The following CLCC1 variants were observed in gnomAD, a reference collection of about 807,000 sequenced individuals.
CLCC1 encodes chloride channel CLIC-like protein 1.
A neutral mutation model predicts 63.3 loss-of-function variants in CLCC1; 39 were observed. That is an observed-to-expected ratio of 0.62 (90% CI 0.48 to 0.81). The LOEUF (loss-of-function observed/expected upper bound fraction) is 0.81. CLCC1 is among the 30% of genes least tolerant of loss of function. CLCC1 has a pLI of 0.00. For synonymous variants in CLCC1, 217 were observed against 239.8 expected (o/e 0.90, Z 0.88); for missense variants, 549 against 669.4 (o/e 0.82, Z 1.98).
Position 108,934,770 on chromosome 1 carries a change from G to C in CLCC1, c.1556C>G (p.Ser519Cys), listed in dbSNP as rs147516957. 136 of 1,614,104 alleles carry C rather than the reference G, an allele frequency of 8.4e-5. No individual in the cohort carries two copies. Among genetic ancestry groups the C allele is most frequent in the Non-Finnish European group, 1.4e-5 (16 of 1,180,052 alleles). ...TTGGTCTGGGCTGCCTGCGGCTTCAGACTTGAGCTGGGCCTTTTCCGCTGC... is the reference window on the plus strand; with the variant it reads ...TTGGTCTGGGCTGCCTGCGGCTTCACACTTGAGCTGGGCCTTTTCCGCTGC... ...SPAAEKAQLK[S>C]EAAGSPDQGS... Residue 519 changes from serine (S) to cysteine (C), a missense_variant, in exon 12 of 13, where the codon TCT becomes TGT. Ser to Cys is a moderately radical substitution (Grantham distance 112). Coordinates refer to ENST00000369969, the MANE Select transcript of CLCC1 (RefSeq NM_001377458.1).
chr1:108,958,660 C>G (rs991816896), intron 2 of CLCC1, among the ~76,000 whole-genome samples: 1 of 147,190 alleles, frequency 6.8e-6, no homozygotes, highest in Non-Finnish European at 1.5e-5. Flanking sequence ...AGGCGGATCA[C>G]TTGAGCCCAG....
chr1:108,959,594 ATAAAT>A (rs1164036984), intron 2 of CLCC1, among the ~76,000 whole-genome samples: 3 of 152,212 alleles, frequency 2.0e-5, no homozygotes, highest in Non-Finnish European at 2.9e-5. Flanking sequence ...TGCCTAACTG[ATAAAT>A]TAAACTTTAG....
rs769639028 is a variant in CLCC1, at chr1:108,932,459, G to A, written c.*88C>T. ...CATCATTCAACAACAGTTGCATGTC[G>A]CCTTGCTAGCTGTCAAAGTAGACTT... On this transcript the variant is annotated 3_prime_UTR_variant, in exon 13 of 13. Transcript: ENST00000369969. 3.9e-5 allele frequency: 6 copies of A among 152,018 alleles called. No homozygotes were observed. Among genetic ancestry groups the A allele is most frequent in the Non-Finnish European group, 7.4e-5 (5 of 68,020 alleles). The allele number at this position is 152,018 out of a possible 1,614,324, so 9.4% of individuals were successfully genotyped here.
In CLCC1 at chr1:108,953,866, T is replaced by C. The variant is rs1184612065; in HGVS notation, c.-11-3418A>G. Reference sequence around the variant, plus strand: ...TCTCTACTAAAAATACAAAATTAGCTGGGTATGGTGGTGCATGCCTGTAAT... The same window carrying C: ...TCTCTACTAAAAATACAAAATTAGCCGGGTATGGTGGTGCATGCCTGTAAT... On this transcript the variant is annotated intron_variant, in intron 2 of 12. Coordinates refer to ENST00000369969, the MANE Select transcript of CLCC1 (RefSeq NM_001377458.1). Among the ~76,000 whole-genome samples, 1,379 of 148,886 alleles carry C rather than the reference T, an allele frequency of 9.3e-3. 24 individuals are homozygous for C. Among genetic ancestry groups the C allele is most frequent in the African/African-American group, 0.034 (1,315 of 38,662 alleles).
intron 2 of CLCC1, among the ~76,000 whole-genome samples, chr1:108,960,833 A>AG (rs1471533471): frequency 1.3e-5 from 2 of 152,114 alleles, no homozygotes; most frequent in East Asian, 3.8e-4. Context: ...GTGAATAAAA[A>AG]GCCTGTCAAG....
intron 2 of CLCC1, among the ~76,000 whole-genome samples, chr1:108,957,200 A>G (rs78769179): frequency 6.6e-6 from 1 of 151,610 alleles, no homozygotes; most frequent in Non-Finnish European, 1.5e-5. Context: ...CAAAATGACC[A>G]GCTAATAGGT....
At chr1:108,954,411 G>A (rs12140027) in intron 2 of CLCC1, among the ~76,000 whole-genome samples, 22,908 of 150,790 alleles carry the variant, frequency 0.15, 2,312 homozygotes, top group Admixed American at 0.25. Context: ...CAGGAGAATC[G>A]CTTGAACCTG....
intron 4 of CLCC1, among the ~76,000 whole-genome samples, chr1:108,948,864 A>G (rs1557897063): frequency 6.6e-6 from 1 of 152,142 alleles, no homozygotes; most frequent in Non-Finnish European, 1.5e-5. Context: ...GCTTCCTCAA[A>G]TCATGGGAGT....
chr1:108,946,084 G>A (rs1410448064), intron 5 of CLCC1, among the ~76,000 whole-genome samples: 1 of 152,078 alleles, frequency 6.6e-6, no homozygotes, highest in Non-Finnish European at 1.5e-5. Context: ...CATGAGGCAG[G>A]CGGATCACGA....
intron 11 of CLCC1, among the ~76,000 whole-genome samples, chr1:108,936,683 C>T (rs1457607311): frequency 6.6e-6 from 1 of 152,208 alleles, no homozygotes; most frequent in African/African-American, 2.4e-5. Flanking sequence ...TGATCCCTGG[C>T]CCCAGCCCAC....
chr1:108,952,801 A>T (rs1306530902), intron 2 of CLCC1, among the ~76,000 whole-genome samples: 1 of 131,600 alleles, frequency 7.6e-6, no homozygotes, highest in Non-Finnish European at 1.7e-5. Flanking sequence ...CTCTGCCTTT[A>T]AAAAAAAAAA....
intron 2 of CLCC1, among the ~76,000 whole-genome samples, chr1:108,952,462 C>T (rs1248007772): frequency 1.3e-5 from 2 of 152,104 alleles, no homozygotes; most frequent in South Asian, 2.1e-4. Flanking sequence ...TGAGCCACAG[C>T]GCTTGGCCCC....
chr1:108,931,552 C>G lies in CLCC1; in HGVS notation c.*995G>C, dbSNP rs534134568. ...AAGTCATTCAGGTGATTTGGATGGG[C>G]AAATAGAACTATTTCTCTAATGGCC... On this transcript the variant is annotated 3_prime_UTR_variant, in exon 13 of 13. Coordinates refer to ENST00000369969, the MANE Select transcript of CLCC1 (RefSeq NM_001377458.1). The G allele has an allele frequency of 6.6e-4, 970 of 1,464,116 alleles. 2 individuals carry two copies. The highest frequency in any genetic ancestry group is 8.1e-4 in the Non-Finnish European group (891 of 1,099,850). 90.7% of individuals were successfully genotyped at this position (1,464,116 alleles called of 1,614,324 possible).
rs1233851630 is a variant in CLCC1 at position 108,931,416 on chromosome 1, G to C, written c.*1131C>G. ...GGACCTGGAGTAACACTGGATCACA[G>C]ACTGCAAAGGCCCACGCTTGGAACA... On this transcript the variant is annotated 3_prime_UTR_variant, in exon 13 of 13. Transcript: ENST00000369969. The C allele has an allele frequency of 3.2e-6, 5 of 1,551,118 alleles. No individual in the cohort carries two copies. The highest frequency in any genetic ancestry group is 4.4e-6 in the Non-Finnish European group (5 of 1,147,112).
intron 11 of CLCC1, among the ~76,000 whole-genome samples, chr1:108,936,122 T>C (rs1652943307): frequency 7.6e-6 from 1 of 131,402 alleles, no homozygotes; most frequent in Non-Finnish European, 1.6e-5. Context: ...AGACGACGTC[T>C]CACTCTGTCA....
At chr1:108,939,870 G>T in intron 9 of CLCC1, 88 bp from the exon 10 acceptor site, 2 of 1,403,934 alleles carry the variant, frequency 1.4e-6, no homozygotes, top group Non-Finnish European at 1.9e-6. Flanking sequence ...GATGCTGAAA[G>T]TATGTTACAT....
chr1:108,935,756 G>A (rs1249504702), intron 11 of CLCC1, among the ~76,000 whole-genome samples: 1 of 152,080 alleles, frequency 6.6e-6, no homozygotes, highest in East Asian at 1.9e-4. Context: ...GTGAGACCTT[G>A]TCTCCAAAAA....
chr1:108,929,981 G>A lies in CLCC1; in HGVS notation c.*2566C>T. On this transcript the variant is annotated 3_prime_UTR_variant, in exon 13 of 13. Transcript: ENST00000369969. ...TTTTTTTCCTTTCAAACACGGTAAG[G>A]AAACAATCTATTACTTTTTTCCTTA... The A allele has an allele frequency of 1.3e-6, 2 of 1,570,984 alleles. No homozygotes were observed. Among genetic ancestry groups the A allele is most frequent in the Non-Finnish European group, 1.7e-6 (2 of 1,144,272 alleles).
rs1421025267 is a variant in CLCC1, at chr1:108,943,585, A to G, written c.592T>C (p.Leu198=). 6.2e-7 allele frequency: 1 copy of G among 1,612,944 alleles called. No homozygotes were observed. The highest frequency in any genetic ancestry group is 1.7e-5 in the Admixed American group (1 of 59,800). The part of the protein sequence containing the change: ...VLLCLLCIVV[L]VATELWTYVR... ...TATGTCCACAGCTCAGTAGCCACTA[A>G]AACCACGATGCAGAGCAGACAAAGA... The change falls in exon 7 of 13, where the codon TTA becomes CTA. Residue 198 remains leucine (L), a synonymous_variant. Coordinates refer to ENST00000369969, the MANE Select transcript of CLCC1 (RefSeq NM_001377458.1).
Sources: allele counts gnomAD v4.1 joint callset (sites outside exome capture counted in the v4.1 genomes callset), GRCh38; gene constraint gnomAD v4.1.1; transcripts MANE v1.5; gene names NCBI Gene and HGNC (gene_info 2026-07-23, HGNC 2026-07-21).